The following CELF4 variants were observed in gnomAD, a reference collection of about 807,000 sequenced individuals.
CELF4 encodes the protein CUGBP Elav-like family member 4.
Under a neutral mutation model 59.9 loss-of-function variants are expected in CELF4, and 18 were observed. The ratio of observed to expected loss-of-function variants is 0.30; its 90% CI spans 0.21 to 0.45. The LOEUF (loss-of-function observed/expected upper bound fraction) is 0.45, where lower values mean the gene tolerates loss of function less well. CELF4 is among the 20% of genes least tolerant of loss of function. CELF4 has a pLI of 1.00. For missense variants in CELF4, 456 were observed against 689.0 expected (o/e 0.66, Z 3.79); for synonymous variants, 261 against 267.1 (o/e 0.98, Z 0.22).
At chr18:37,462,281 G>A (rs958546663) in intron 2 of CELF4, among the ~76,000 whole-genome samples, 3 of 152,148 alleles carry the variant, frequency 2.0e-5, no homozygotes, top group Admixed American at 1.3e-4. Context: ...GTCTCCTGGG[G>A]GTATTCAGTA....
At position 37,565,553 on chromosome 18, in the gene CELF4, G is replaced by C; in HGVS notation, c.89C>G (p.Ala30Gly). The C allele has an allele frequency of 1.2e-6, 2 of 1,614,114 alleles. No individual in the cohort carries two copies. The highest frequency in any genetic ancestry group is 1.7e-5 in the Admixed American group (1 of 60,022). The change falls in exon 1 of 13, where the codon GCC (alanine) becomes GGC (glycine). Residue 30 changes from alanine (A) to glycine (G), a missense_variant. Around this residue, in one of 7 missense-constraint regions of CELF4, gnomAD observed 70 missense variants for 69.5 expected, o/e 1.01. Coordinates refer to ENST00000420428, the MANE Select transcript of CELF4 (RefSeq NM_020180.4). ...GTGGCTTAATCCGTTCATGTGCCCG[G>C]CACTGCCCGGGCTGCTGCCGAGCCC... ...TNGLGSSPGS[A>G]GHMNGLSHSP...
chr18:37,243,216 C>A lies in CELF4; in HGVS notation c.*2026G>T, dbSNP rs1599673472. 3 of 109,070 alleles carry A rather than the reference C, an allele frequency of 2.8e-5. No individual in the cohort carries two copies. The highest frequency in any genetic ancestry group is 3.7e-5 in the African/African-American group (1 of 26,668). 6.8% of individuals were successfully genotyped at this position (109,070 alleles called of 1,614,324 possible). ...TTTTTTTTTTTTTTTTACATCTGGA[C>A]ATCCTAAAAGGAGGAGTCAAGAGAA... On this transcript the variant is annotated 3_prime_UTR_variant, in exon 13 of 13. Coordinates refer to ENST00000420428, the MANE Select transcript of CELF4 (RefSeq NM_020180.4).
At chr18:37,404,207 G>A (rs1299593378) in intron 2 of CELF4, among the ~76,000 whole-genome samples, 6 of 152,166 alleles carry the variant, frequency 3.9e-5, no homozygotes, top group African/African-American at 7.2e-5. Flanking sequence ...GTTGAGGCAC[G>A]TGACCTCGAG....
chr18:37,470,877 T>TGACA (rs1569569550), intron 2 of CELF4, among the ~76,000 whole-genome samples: 3 of 96,994 alleles, frequency 3.1e-5, no homozygotes, highest in Admixed American at 1.2e-4. Flanking sequence ...TGTGTGTGTG[T>TGACA]GTGTGTGTGT....
At chr18:37,362,827 CA>C (rs1186394811) in intron 2 of CELF4, among the ~76,000 whole-genome samples, 1 of 152,164 alleles carries the variant, frequency 6.6e-6, no homozygotes, top group South Asian at 2.1e-4. Context: ...CTCATTCTGA[CA>C]AATCTGCTCT....
intron 2 of CELF4, among the ~76,000 whole-genome samples, chr18:37,421,211 A>G (rs980216113): frequency 2.6e-5 from 4 of 152,202 alleles, no homozygotes; most frequent in Non-Finnish European, 4.4e-5. Flanking sequence ...GTCTGTTGAG[A>G]TGGAAACTAA....
At chr18:37,562,187 T>A (rs1039177192) in intron 1 of CELF4, among the ~76,000 whole-genome samples, 5 of 151,960 alleles carry the variant, frequency 3.3e-5, no homozygotes, top group African/African-American at 1.2e-4. Context: ...ACCCACCCAC[T>A]CCCTCCTCCA....
chr18:37,551,229 G>A (rs1436766728), intron 1 of CELF4, among the ~76,000 whole-genome samples: 1 of 152,152 alleles, frequency 6.6e-6, no homozygotes, highest in East Asian at 1.9e-4. Flanking sequence ...CTGGGGTCAG[G>A]AGGATGCCAG....
At chr18:37,559,713 G>T (rs1603644210) in intron 1 of CELF4, among the ~76,000 whole-genome samples, 1 of 152,118 alleles carries the variant, frequency 6.6e-6, no homozygotes, top group African/African-American at 2.4e-5. Flanking sequence ...CAAGCAAAAA[G>T]GTGGTGTCTT....
intron 1 of CELF4, among the ~76,000 whole-genome samples, chr18:37,554,596 AG>A (rs2099984230): frequency 6.6e-6 from 1 of 152,168 alleles, no homozygotes; most frequent in African/African-American, 2.4e-5. Flanking sequence ...CTGGACTCTA[AG>A]GCAGGCTCCC....
In CELF4 at chr18:37,363,538, G is replaced by A. The variant is rs141425484; in HGVS notation, c.370-41657C>T. On this transcript the variant is annotated intron_variant, in intron 2 of 12. Coordinates refer to ENST00000420428, the MANE Select transcript of CELF4 (RefSeq NM_020180.4). ...CAATGAGGGGTGGCAGGTGGCAGAC[G>A]TTACCAGAGAGTTATGCTAGTAGAA... is the stretch of plus-strand genomic sequence containing the variant. Among the ~76,000 whole-genome samples, 286 of 152,290 alleles carry A rather than the reference G, an allele frequency of 1.9e-3. 2 individuals carry two copies. Among genetic ancestry groups the A allele is most frequent in the African/African-American group, 6.7e-3 (278 of 41,558 alleles).
chr18:37,354,718 G>A (rs2098533339), intron 2 of CELF4, among the ~76,000 whole-genome samples: 1 of 152,162 alleles, frequency 6.6e-6, no homozygotes, highest in Non-Finnish European at 1.5e-5. Flanking sequence ...GGCCCAGGAT[G>A]GGGGACTTCA....
At chr18:37,418,663 A>T (rs2099548558) in intron 2 of CELF4, among the ~76,000 whole-genome samples, 1 of 152,238 alleles carries the variant, frequency 6.6e-6, no homozygotes, top group African/African-American at 2.4e-5. Flanking sequence ...CTCATTTCCA[A>T]AATAATAACA....
At chr18:37,409,405 G>C (rs1036293848) in intron 2 of CELF4, among the ~76,000 whole-genome samples, 1 of 152,168 alleles carries the variant, frequency 6.6e-6, no homozygotes, top group Non-Finnish European at 1.5e-5. Context: ...GCCTCATTGT[G>C]GGGGAGGGTT....
intron 2 of CELF4, among the ~76,000 whole-genome samples, chr18:37,387,020 C>T (rs146277315): frequency 0.019 from 2,958 of 152,348 alleles, 31 homozygotes; most frequent in African/African-American, 0.025. Context: ...AGAGACGGCA[C>T]GCACGGGGCT....
chr18:37,298,489 G>T (rs2095805232), intron 3 of CELF4, among the ~76,000 whole-genome samples: 1 of 152,172 alleles, frequency 6.6e-6, no homozygotes, highest in South Asian at 2.1e-4. Flanking sequence ...GGAGGCCGAG[G>T]TGGGTGGATC....
chr18:37,262,485 G>A (rs1211115278), intron 10 of CELF4, among the ~76,000 whole-genome samples: 1 of 152,160 alleles, frequency 6.6e-6, no homozygotes, highest in African/African-American at 2.4e-5. Context: ...ATGGGATGGT[G>A]GAGTGTAGGG....
chr18:37,557,583 C>T (rs1388792248), intron 1 of CELF4, among the ~76,000 whole-genome samples: 1 of 152,172 alleles, frequency 6.6e-6, no homozygotes, highest in Non-Finnish European at 1.5e-5. Context: ...GATCTGTAGC[C>T]ACTCTTAACA....
intron 2 of CELF4, among the ~76,000 whole-genome samples, chr18:37,354,999 G>C: frequency 6.6e-6 from 1 of 152,200 alleles, no homozygotes; most frequent in Non-Finnish European, 1.5e-5. Context: ...GGGCTCTGAG[G>C]GTATGAAGTT....
Sources: allele counts gnomAD v4.1 joint callset (sites outside exome capture counted in the v4.1 genomes callset), GRCh38; gene constraint gnomAD v4.1.1; regional missense constraint gnomAD v4.1.1; transcripts MANE v1.5; gene names NCBI Gene and HGNC (gene_info 2026-07-23, HGNC 2026-07-21).